Variants in THAP12 observed in about 807,000 individuals in gnomAD.
The protein encoded by THAP12 is 52 kDa repressor of the inhibitor of the protein kinase.
In THAP12, 20 loss-of-function variants were observed where a neutral mutation model predicts 63.0. The observed-to-expected ratio is 0.32, with a 90% confidence interval of 0.22 to 0.46. The LOEUF (loss-of-function observed/expected upper bound fraction) is 0.46. THAP12 is among the 20% of genes least tolerant of loss of function. The pLI is 1.00. For synonymous variants in THAP12, 264 were observed against 328.4 expected, an observed-to-expected ratio of 0.80 and a Z score of 2.12; for missense variants, 568 against 908.2, an observed-to-expected ratio of 0.63 and a Z score of 4.81.
intron 1 of THAP12, 119 bp downstream of exon 1, chr11:76,380,629 G>A (rs933911078): frequency 8.0e-6 from 6 of 750,092 alleles, no homozygotes; most frequent in Admixed American, 4.7e-5. Flanking sequence ...CGACGGCAGT[G>A]CGCTGCGCCC....
At chr11:76,368,590 T>G (rs768799848) in intron 1 of THAP12, 2 of 152,212 alleles carry the variant, frequency 1.3e-5, no homozygotes, top group Non-Finnish European at 2.9e-5. Context: ...AGACAAGTAC[T>G]GGCAGAAGGA....
At chr11:76,369,225 A>G (rs1425619319) in intron 1 of THAP12, among the ~76,000 whole-genome samples, 1 of 152,246 alleles carries the variant, frequency 6.6e-6, no homozygotes, top group Non-Finnish European at 1.5e-5. Flanking sequence ...ACTACAATGT[A>G]AAAGAGGTAA....
At chr11:76,362,051 T>A (rs1052521889) in intron 2 of THAP12, among the ~76,000 whole-genome samples, 3 of 152,232 alleles carry the variant, frequency 2.0e-5, no homozygotes, top group African/African-American at 4.8e-5. Flanking sequence ...GGCTAGAAGC[T>A]GGATGCATAC....
intron 3 of THAP12, chr11:76,358,758 T>G (rs1946578063): frequency 6.6e-6 from 1 of 152,158 alleles, no homozygotes; most frequent in South Asian, 2.1e-4. Context: ...CAGTGAGCAG[T>G]GTCTGCCCCA....
intron 1 of THAP12, among the ~76,000 whole-genome samples, chr11:76,367,300 T>C (rs1946638232): frequency 6.6e-6 from 1 of 152,224 alleles, no homozygotes; most frequent in Non-Finnish European, 1.5e-5. Context: ...GGTCTCGAAC[T>C]CCCGACCTCA....
intron 1 of THAP12, among the ~76,000 whole-genome samples, chr11:76,369,458 A>G (rs1946655259): frequency 6.6e-6 from 1 of 152,264 alleles, no homozygotes; most frequent in African/African-American, 2.4e-5. Flanking sequence ...GTGATTGTTC[A>G]GAAAAAGAGT....
At chr11:76,370,675 C>T (rs1262508666) in intron 1 of THAP12, among the ~76,000 whole-genome samples, 1 of 151,510 alleles carries the variant, frequency 6.6e-6, no homozygotes, top group Admixed American at 6.6e-5. Context: ...TCTATGTATA[C>T]GTTTTTACAT....
At chr11:76,353,093 C>T (rs1458820772) in intron 4 of THAP12, among the ~76,000 whole-genome samples, 2 of 151,812 alleles carry the variant, frequency 1.3e-5, no homozygotes. Context: ...CACTATGTTG[C>T]CCAGGCTGGT....
At chr11:76,375,762 T>A (rs1371469175) in intron 1 of THAP12, among the ~76,000 whole-genome samples, 1 of 73,496 alleles carries the variant, frequency 1.4e-5, no homozygotes, top group African/African-American at 4.3e-5. Context: ...GGGGGGTGGG[T>A]TAGAACTAAT....
In THAP12 at chr11:76,350,395, G is replaced by T. The variant is rs534846076; in HGVS notation, c.*469C>A. 6.6e-6 allele frequency: 1 copy of T among 152,532 alleles called. No individual in the cohort carries two copies. The highest frequency in any genetic ancestry group is 2.1e-4 in the South Asian group (1 of 4,820). 9.4% of individuals were successfully genotyped at this position (152,532 alleles called of 1,614,324 possible). A position where few individuals can be genotyped will look rare whatever the true frequency, so the allele number is the denominator to read the frequency against. Reference sequence around the variant, plus strand: ...TTGGTGAGCTCACAAGCTTTTCTCCGGTAATTTCTTGTAACTGTCCAGTAT... The same window carrying T: ...TTGGTGAGCTCACAAGCTTTTCTCCTGTAATTTCTTGTAACTGTCCAGTAT... On this transcript the variant is annotated 3_prime_UTR_variant, in exon 5 of 5. Coordinates refer to ENST00000260045, the MANE Select transcript of THAP12 (RefSeq NM_004705.4).
At chr11:76,363,759 T>G (rs1946614022) in intron 2 of THAP12, among the ~76,000 whole-genome samples, 1 of 152,010 alleles carries the variant, frequency 6.6e-6, no homozygotes, top group South Asian at 2.1e-4. Context: ...CAGCAAAATT[T>G]TTTTTGTTTT....
At position 76,360,248 on chromosome 11, in the gene THAP12, C is replaced by T. The variant is rs151159979; in HGVS notation, c.318+708G>A. Among the ~76,000 whole-genome samples, 613 of 152,126 alleles carry T rather than the reference C, an allele frequency of 4.0e-3. 3 individuals are homozygous for T. The highest frequency in any genetic ancestry group is 0.014 in the African/African-American group (590 of 41,520). ...GCACACAGTAGGTGGACTGATAGGA[C>T]ATATATTAAATACACTAGCATGGAC... On this transcript the variant is annotated intron_variant, in intron 3 of 4. Coordinates refer to ENST00000260045, the MANE Select transcript of THAP12 (RefSeq NM_004705.4).
chr11:76,352,855 T>C (rs1946537289), intron 4 of THAP12, 61 bp from the exon 5 acceptor site: 5 of 1,471,290 alleles, frequency 3.4e-6, no homozygotes, highest in Non-Finnish European at 4.5e-6. Context: ...CAACAAAAAA[T>C]ATTACATCTT....
Position 76,369,535 on chromosome 11 carries a change from C to T in THAP12, c.90-3563G>A, listed in dbSNP as rs1017655985. On this transcript the variant is annotated intron_variant, in intron 1 of 4. Coordinates refer to ENST00000260045, the MANE Select transcript of THAP12 (RefSeq NM_004705.4). ...TTTGTTAAGGACCTTGGGCTGGTATCCGGGAACTTGGTTGGTAAACAGTTC... is the reference window on the plus strand; with the variant it reads ...TTTGTTAAGGACCTTGGGCTGGTATTCGGGAACTTGGTTGGTAAACAGTTC... 5.9e-5 allele frequency among the ~76,000 whole-genome samples: 9 copies of T among 152,224 alleles called. No individual in the cohort carries two copies. In the South Asian group the frequency reaches 1.2e-3, roughly 21 times the overall value.
At chr11:76,367,358 G>A (rs1269620391) in intron 1 of THAP12, among the ~76,000 whole-genome samples, 1 of 152,088 alleles carries the variant, frequency 6.6e-6, no homozygotes, top group African/African-American at 2.4e-5. Context: ...TTACAGGCGT[G>A]AGCCACCGCG....
intron 1 of THAP12, among the ~76,000 whole-genome samples, chr11:76,370,016 A>T (rs1946659636): frequency 6.6e-6 from 1 of 152,236 alleles, no homozygotes; most frequent in Non-Finnish European, 1.5e-5. Flanking sequence ...GCTCCGCCTC[A>T]ACACAGTGAT....
At chr11:76,363,731 C>T (rs547074042) in intron 2 of THAP12, among the ~76,000 whole-genome samples, 6 of 152,224 alleles carry the variant, frequency 3.9e-5, no homozygotes, top group South Asian at 4.2e-4. Flanking sequence ...TGGGATTACA[C>T]GTGTGCACCG....
chr11:76,358,297 A>T (rs1324632473), intron 3 of THAP12: 1 of 152,192 alleles, frequency 6.6e-6, no homozygotes, highest in Non-Finnish European at 1.5e-5. Flanking sequence ...ACAGACCAAG[A>T]TTCACAAATG....
chr11:76,372,138 G>A (rs1437443189), intron 1 of THAP12, among the ~76,000 whole-genome samples: 2 of 151,056 alleles, frequency 1.3e-5, no homozygotes, highest in African/African-American at 2.4e-5. Context: ...TTAAAGTAAT[G>A]AGAAGAGGTG....
Sources: gnomAD v4.1 joint callset for allele counts (sites outside exome capture counted in the v4.1 genomes callset) on GRCh38, gnomAD v4.1.1 for gene constraint, MANE v1.5 for transcripts, NCBI Gene and HGNC (gene_info 2026-07-23, HGNC 2026-07-21) for gene names.